MMP17: variants seen among roughly 807,000 people sequenced by gnomAD.
MMP17 encodes the protein matrix metalloproteinase-17.
In MMP17, 54 loss-of-function variants were observed where a neutral mutation model predicts 49.1. That is an observed-to-expected ratio of 1.10 (90% CI 0.88 to 1.38). The LOEUF is 1.38. Ranked by LOEUF, MMP17 falls within the 40% of genes most tolerant of loss-of-function variation. The pLI, the probability that MMP17 is intolerant of heterozygous loss-of-function variation, is 0.00. For missense variants in MMP17, 837 were observed against 853.7 expected (o/e 0.98, Z 0.24); for synonymous variants, 397 against 383.1 (o/e 1.04, Z -0.42).
chr12:131,835,529 C>T (rs1000877957), intron 1 of MMP17, among the ~76,000 whole-genome samples: 24 of 152,318 alleles, frequency 1.6e-4, no homozygotes, highest in Admixed American at 9.8e-4. Context: ...AAACCGCCAC[C>T]GTGAACCCCA....
intron 6 of MMP17, chr12:131,844,539 C>T (rs1887594331): frequency 4.2e-6 from 1 of 236,154 alleles, no homozygotes; most frequent in Non-Finnish European, 8.3e-6. Context: ...CCCACAGCAA[C>T]TGGATTCCCA....
At chr12:131,838,479 C>G (rs947359423) in intron 2 of MMP17, 133 bp from the exon 3 acceptor site, 1 of 1,453,728 alleles carries the variant, frequency 6.9e-7, no homozygotes, top group Non-Finnish European at 9.1e-7. Flanking sequence ...GCTGGTCCCC[C>G]AAAGATGACG....
In MMP17 at chr12:131,838,705, C is replaced by G. The variant is rs4964883; in HGVS notation, c.386C>G (p.Ala129Gly). The G allele has an allele frequency of 0.023, 37,272 of 1,598,650 alleles. 874 individuals are homozygous for G. The highest frequency in any genetic ancestry group is 0.14 in the East Asian group (6,226 of 44,192). The stretch of plus-strand genomic sequence containing the variant: ...GCTCGCAGGAGACGCCAGGCTCCAG[C>G]CCCCACCAAGTGGAACAAGAGGAAC... The part of the protein sequence containing the change: ...TQARRRRQAP[A>G]PTKWNKRNLS... The change falls in exon 3 of 10, where the codon GCC (alanine) becomes GGC (glycine). Residue 129 changes from alanine (A) to glycine (G), a missense_variant. Ala to Gly is a moderately conservative substitution (Grantham distance 60). Coordinates refer to ENST00000360564, the MANE Select transcript of MMP17 (RefSeq NM_016155.7).
intron 8 of MMP17, among the ~76,000 whole-genome samples, chr12:131,848,745 G>A (rs936882939): frequency 6.6e-6 from 1 of 152,210 alleles, no homozygotes; most frequent in African/African-American, 2.4e-5. Flanking sequence ...GCGGTGGCAC[G>A]TGGCAGGATT....
At chr12:131,840,899 C>A in intron 4 of MMP17, 43 bp downstream of exon 4, 1 of 1,524,884 alleles carries the variant, frequency 6.6e-7, no homozygotes, top group Non-Finnish European at 8.8e-7. Flanking sequence ...GGAGCCCCAG[C>A]GGCCTGTGAG....
rs368841750 is a variant in MMP17, at chr12:131,849,960, G to A, written c.1363G>A (p.Asp455Asn). ...FFKDQLYWRY[D>N]DHTRHMDPGY... is the part of the protein sequence containing the mutation. ...TAAGGACCAGCTGTACTGGCGCTAC[G>A]ATGACCACACGAGGCACATGGACCC... Residue 455 changes from aspartate (D) to asparagine (N), a missense_variant, in exon 9 of 10, where the codon GAT (aspartate) becomes AAT (asparagine). By Grantham distance (23) the Asp-to-Asn change is conservative. Coordinates refer to ENST00000360564, the MANE Select transcript of MMP17 (RefSeq NM_016155.7). 4.1e-5 allele frequency: 66 copies of A among 1,613,870 alleles called. No homozygotes were observed. The highest frequency in any genetic ancestry group is 3.1e-4 in the East Asian group (14 of 44,890).
In MMP17 at chr12:131,836,206, GC is replaced by G. The variant is rs769048772; in HGVS notation, c.160-1985del. On this transcript the variant is annotated intron_variant, in intron 1 of 9. Coordinates refer to ENST00000360564, the MANE Select transcript of MMP17 (RefSeq NM_016155.7). ...AAAGGGGGTAAAGGCACAGAGGGGGGCCCCGGGAAGGACTCAGTGCTTCCTG... is the reference window on the plus strand; with the variant it reads ...AAAGGGGGTAAAGGCACAGAGGGGGGCCCGGGAAGGACTCAGTGCTTCCTG... Among the ~76,000 whole-genome samples, 35 of 152,236 alleles carry G rather than the reference GC, an allele frequency of 2.3e-4. No homozygotes were observed. In the South Asian group the frequency reaches 3.1e-3, roughly 14 times the overall value.
chr12:131,840,852 C>T lies in MMP17; in HGVS notation c.702C>T (p.Ser234=). 6.3e-7 allele frequency: 1 copy of T among 1,595,064 alleles called. No homozygotes were observed. Among genetic ancestry groups the T allele is most frequent in the Non-Finnish European group, 8.5e-7 (1 of 1,171,674 alleles). ...FDDDEAWTFR[S]SDAHGMDLFA... The stretch of plus-strand genomic sequence containing the variant: ...ATGACGAGGCCTGGACCTTCCGCTC[C>T]TCGGGTGCGTCTGGGGCAGCCCTCA... Residue 234 remains serine, a synonymous_variant, in exon 4 of 10, where the codon TCC becomes TCT. Coordinates refer to ENST00000360564, the MANE Select transcript of MMP17 (RefSeq NM_016155.7).
intron 1 of MMP17, among the ~76,000 whole-genome samples, chr12:131,836,774 C>G (rs1262186024): frequency 6.6e-6 from 1 of 152,152 alleles, no homozygotes; most frequent in African/African-American, 2.4e-5. Flanking sequence ...GCTGTGGTTC[C>G]CTGGGCTGGC....
At chr12:131,836,337 G>A (rs1449386172) in intron 1 of MMP17, among the ~76,000 whole-genome samples, 1 of 152,180 alleles carries the variant, frequency 6.6e-6, no homozygotes, top group African/African-American at 2.4e-5. Flanking sequence ...GGATGGTGGT[G>A]CCTCATTCCT....
chr12:131,843,896 A>T (rs927742528), intron 5 of MMP17, 101 bp from the exon 6 acceptor site: 11 of 795,518 alleles, frequency 1.4e-5, no homozygotes, highest in African/African-American at 1.9e-5. Context: ...CTGTCTGCTG[A>T]GTGGCCTCGG....
intron 8 of MMP17, among the ~76,000 whole-genome samples, 156 bp downstream of exon 8, chr12:131,845,605 C>T (rs1887667418): frequency 6.6e-6 from 1 of 152,226 alleles, no homozygotes; most frequent in African/African-American, 2.4e-5. Flanking sequence ...AGCAGATGCA[C>T]TCTGAGCACC....
At chr12:131,832,918 C>T (rs1886899936) in intron 1 of MMP17, among the ~76,000 whole-genome samples, 1 of 152,148 alleles carries the variant, frequency 6.6e-6, no homozygotes, top group Admixed American at 6.5e-5. Flanking sequence ...AGCACCGCCC[C>T]ACGCATCACC....
At chr12:131,845,053 G>T in intron 6 of MMP17, 65 bp from the exon 7 acceptor site, 2 of 1,435,142 alleles carry the variant, frequency 1.4e-6, no homozygotes, top group Non-Finnish European at 1.9e-6. Context: ...GGGCTCTGCC[G>T]CAGGATGCCC....
chr12:131,835,403 A>G (rs1887033727), intron 1 of MMP17, among the ~76,000 whole-genome samples: 1 of 152,238 alleles, frequency 6.6e-6, no homozygotes, highest in South Asian at 2.1e-4. Flanking sequence ...ACATTGGGCA[A>G]CATTCCACAG....
rs1887361306 is a variant in MMP17 at position 131,840,801 on chromosome 12, C to T, written c.651C>T (p.His217=). The part of the protein sequence containing the change: ...VAHAFFPGHH[H]TAGDTHFDDD... ...ACGCCTTCTTCCCCGGCCACCACCA[C>T]ACCGCCGGGGACACCCACTTTGACG... Residue 217 remains histidine (H), a synonymous_variant, in exon 4 of 10, where the codon CAC becomes CAT. Transcript: ENST00000360564. The T allele has an allele frequency of 1.2e-6, 2 of 1,606,882 alleles. No homozygotes were observed. The highest frequency in any genetic ancestry group is 1.7e-6 in the Non-Finnish European group (2 of 1,179,736).
At position 131,838,608 on chromosome 12, in the gene MMP17, G is replaced by C. The variant is rs1887208089; in HGVS notation, c.293-4G>C. ...AGGCTCTGAGCTCCATGCTTTCCCTGCAGACGAGGCCACCCTGGCCCTGAT... is the reference window on the plus strand; with the variant it reads ...AGGCTCTGAGCTCCATGCTTTCCCTCCAGACGAGGCCACCCTGGCCCTGAT... On this transcript the variant is annotated splice_region_variant and splice_polypyrimidine_tract_variant and intron_variant, in intron 2 of 9. Coordinates refer to ENST00000360564, the MANE Select transcript of MMP17 (RefSeq NM_016155.7). The C allele has an allele frequency of 6.2e-7, 1 of 1,608,880 alleles. No homozygotes were observed.
intron 6 of MMP17, 198 bp from the exon 7 acceptor site, chr12:131,844,920 G>A: frequency 1.7e-6 from 1 of 594,568 alleles, no homozygotes; most frequent in South Asian, 1.9e-5. Flanking sequence ...TCAGAGCGTA[G>A]ATCTCGGCCC....
intron 1 of MMP17, among the ~76,000 whole-genome samples, chr12:131,831,327 C>T (rs1202154940): frequency 6.6e-6 from 1 of 152,174 alleles, no homozygotes; most frequent in Non-Finnish European, 1.5e-5. Context: ...GTGGCAGCTC[C>T]CTTGATCTTC....
Sources: gnomAD v4.1 joint callset for allele counts (sites outside exome capture counted in the v4.1 genomes callset) on GRCh38, gnomAD v4.1.1 for gene constraint, MANE v1.5 for transcripts, NCBI Gene and HGNC (gene_info 2026-07-23, HGNC 2026-07-21) for gene names.